Variants in ABCB1 observed in about 807,000 individuals in gnomAD.
The protein encoded by ABCB1 is ATP binding cassette subfamily B member 1, also known as ATP-dependent translocase ABCB1.
Under a neutral mutation model 142.0 loss-of-function variants are expected in ABCB1, and 69 were observed. The observed-to-expected ratio is 0.49, with a 90% CI of 0.40 to 0.59. The LOEUF is 0.59. Among genes scored for constraint, ABCB1 ranks in the 20% least tolerant of loss-of-function variants. The pLI is 0.00. For missense variants in ABCB1, 1,326 were observed against 1,554.7 expected (o/e 0.85, Z 2.47); for synonymous variants, 532 against 539.2 (o/e 0.99, Z 0.18).
At chr7:87,582,000 C>G (rs888103606) in intron 4 of ABCB1, among the ~76,000 whole-genome samples, 1 of 152,120 alleles carries the variant, frequency 6.6e-6, no homozygotes, top group African/African-American at 2.4e-5. Context: ...GCATCAAAAC[C>G]TTTGATGCTA....
chr7:87,665,289 A>G (rs903829878), intron 1 of ABCB1, among the ~76,000 whole-genome samples: 1 of 152,154 alleles, frequency 6.6e-6, no homozygotes, highest in Non-Finnish European at 1.5e-5. Flanking sequence ...ATTTTTATAT[A>G]CTAAAAATGA....
intron 1 of ABCB1, among the ~76,000 whole-genome samples, chr7:87,621,915 A>T (rs1456885858): frequency 6.6e-6 from 1 of 152,138 alleles, no homozygotes; most frequent in Non-Finnish European, 1.5e-5. Flanking sequence ...AGTAAGGCAA[A>T]GATGGATCAT....
intron 1 of ABCB1, among the ~76,000 whole-genome samples, chr7:87,674,455 A>G (rs912963349): frequency 3.3e-5 from 5 of 152,074 alleles, no homozygotes; most frequent in Non-Finnish European, 5.9e-5. Context: ...ATGGCAGGGT[A>G]CACTCATGCT....
intron 1 of ABCB1, among the ~76,000 whole-genome samples, chr7:87,635,648 A>G (rs757739143): frequency 1.5e-4 from 23 of 152,148 alleles, no homozygotes; most frequent in Non-Finnish European, 2.8e-4. Context: ...TTCCATATAG[A>G]AAAGTATACG....
chr7:87,520,248 C>A (rs564628982), intron 22 of ABCB1, among the ~76,000 whole-genome samples: 2 of 152,188 alleles, frequency 1.3e-5, no homozygotes, highest in African/African-American at 4.8e-5. Flanking sequence ...AAAAATCCAT[C>A]AATAAAGTCC....
intron 4 of ABCB1, among the ~76,000 whole-genome samples, chr7:87,577,600 C>A (rs141823990): frequency 2.0e-4 from 31 of 152,294 alleles, no homozygotes; most frequent in African/African-American, 7.2e-4. Context: ...TATTGCCTAT[C>A]TTTGGCTAAA....
At chr7:87,536,714 C>G (rs1407188675) in intron 19 of ABCB1, among the ~76,000 whole-genome samples, 173 bp from the exon 20 acceptor site, 2 of 152,184 alleles carry the variant, frequency 1.3e-5, no homozygotes, top group African/African-American at 2.4e-5. Context: ...ATAAATAGAT[C>G]ATTTCATTTG....
intron 1 of ABCB1, among the ~76,000 whole-genome samples, chr7:87,685,883 C>T (rs949849740): frequency 6.6e-6 from 1 of 152,128 alleles, no homozygotes; most frequent in Non-Finnish European, 1.5e-5. Flanking sequence ...ATCCCACTTT[C>T]GATTATAATA....
chr7:87,556,594 A>G (rs1251129353), intron 8 of ABCB1, among the ~76,000 whole-genome samples: 1 of 152,162 alleles, frequency 6.6e-6, no homozygotes, highest in Non-Finnish European at 1.5e-5. Context: ...TCCCAAATCT[A>G]GGTACCTGTC....
chr7:87,638,318 T>C (rs1822026807), intron 1 of ABCB1, among the ~76,000 whole-genome samples: 1 of 150,648 alleles, frequency 6.6e-6, no homozygotes, highest in African/African-American at 2.5e-5. Flanking sequence ...TTATTTGGCT[T>C]TATAAAACAA....
chr7:87,552,644 T>G (rs968739406), intron 9 of ABCB1, among the ~76,000 whole-genome samples: 1 of 139,156 alleles, frequency 7.2e-6, no homozygotes, highest in South Asian at 2.2e-4. Flanking sequence ...AGCATCACTA[T>G]ACTAAAAAAA....
chr7:87,514,510 T>C (rs1262265121), intron 25 of ABCB1, among the ~76,000 whole-genome samples: 2 of 152,178 alleles, frequency 1.3e-5, no homozygotes, highest in Admixed American at 1.3e-4. Flanking sequence ...TACTTTTTTT[T>C]CCTCAGATGA....
chr7:87,587,254 G>A (rs765797074), intron 3 of ABCB1, among the ~76,000 whole-genome samples: 4 of 152,084 alleles, frequency 2.6e-5, no homozygotes, highest in Non-Finnish European at 5.9e-5. Context: ...GAAGATAGTT[G>A]ATATGAAAAA....
At chr7:87,529,932 C>T (rs919217424) in intron 21 of ABCB1, among the ~76,000 whole-genome samples, 1 of 152,200 alleles carries the variant, frequency 6.6e-6, no homozygotes, top group African/African-American at 2.4e-5. Flanking sequence ...AAATAGGCCT[C>T]CGGGAGCCTG....
intron 21 of ABCB1, among the ~76,000 whole-genome samples, chr7:87,529,737 T>C (rs1264366651): frequency 6.6e-6 from 1 of 152,254 alleles, no homozygotes; most frequent in Non-Finnish European, 1.5e-5. Context: ...TTCTCCTTTT[T>C]TTATATTTTG....
At chr7:87,685,204 A>G (rs1437958331) in intron 1 of ABCB1, among the ~76,000 whole-genome samples, 1 of 152,220 alleles carries the variant, frequency 6.6e-6, no homozygotes, top group African/African-American at 2.4e-5. Context: ...AAGGGATTGT[A>G]TGCATAATAT....
rs375724186 is a variant in ABCB1, at chr7:87,550,841, G to C, written c.1000-3C>G. ...CCAATTAATACAGAAAAGAATACCT[G>C]AGGAATGTGAAGAAAAACCATCAGG... On this transcript the variant is annotated splice_polypyrimidine_tract_variant and splice_region_variant and intron_variant, in intron 9 of 27. Transcript: ENST00000622132. The C allele has an allele frequency of 3.2e-6, 5 of 1,582,088 alleles. No homozygotes were observed. The highest frequency in any genetic ancestry group is 1.3e-5 in the African/African-American group (1 of 74,240).
At chr7:87,582,177 A>G (rs1409947447) in intron 4 of ABCB1, among the ~76,000 whole-genome samples, 1 of 152,192 alleles carries the variant, frequency 6.6e-6, no homozygotes, top group Non-Finnish European at 1.5e-5. Flanking sequence ...AGTGGAAATA[A>G]GGAGTGGCAG....
intron 1 of ABCB1, among the ~76,000 whole-genome samples, chr7:87,649,647 AT>A (rs1435509033): frequency 3.9e-5 from 6 of 152,128 alleles, no homozygotes; most frequent in Non-Finnish European, 8.8e-5. Context: ...CACTTTACAG[AT>A]TTGCAGGTTT....
Sources: gnomAD v4.1 joint callset for allele counts (sites outside exome capture counted in the v4.1 genomes callset) on GRCh38, gnomAD v4.1.1 for gene constraint, MANE v1.5 for transcripts, NCBI Gene and HGNC (gene_info 2026-07-23, HGNC 2026-07-21) for gene names.